The following PSG4 variants were observed in gnomAD, a reference collection of about 807,000 sequenced individuals.
The protein encoded by PSG4 is pregnancy specific beta-1-glycoprotein 4, also known as pregnancy-specific beta-1-glycoprotein 4.
PSG4 carries 61 observed loss-of-function variants against 44.3 expected under a neutral mutation model. The ratio of observed to expected loss-of-function variants is 1.38; its 90% CI spans 1.12 to 1.70. The LOEUF (loss-of-function observed/expected upper bound fraction) is 1.70, where lower values mean the gene tolerates loss of function less well. Ranked by LOEUF, PSG4 falls within the 40% of genes most tolerant of loss-of-function variation. The pLI is 0.00. For missense variants in PSG4, 677 were observed against 511.7 expected, an observed-to-expected ratio of 1.32 and a Z score of -3.12; for synonymous variants, 248 against 191.3, an observed-to-expected ratio of 1.30 and a Z score of -2.45.
chr19:43,200,110 T>G lies in PSG4; in HGVS notation c.431-1835A>C, dbSNP rs1422449905. ...AAAACAGGTATGTGGAATGCTTTCT[T>G]CATTTTCTGTTAAGCTCAGGAAATA... On this transcript the variant is annotated intron_variant, in intron 2 of 5. Coordinates refer to ENST00000405312, the MANE Select transcript of PSG4 (RefSeq NM_002780.5). 1.4e-5 allele frequency among the ~76,000 whole-genome samples: 2 copies of G among 145,914 alleles called. 1 individual carries two copies. The highest frequency in any genetic ancestry group is 1.4e-4 in the Admixed American group (2 of 14,682).
intron 2 of PSG4, among the ~76,000 whole-genome samples, chr19:43,202,714 A>G (rs1967571300): frequency 1.4e-5 from 2 of 144,688 alleles, no homozygotes; most frequent in Non-Finnish European, 3.0e-5. Flanking sequence ...AGGCCTGGAC[A>G]TATTTTTTGC....
rs1281628622 is a variant in PSG4, at chr19:43,205,335, C to G, written c.64+138G>C. On this transcript the variant is annotated intron_variant, in intron 1 of 5. Coordinates refer to ENST00000405312, the MANE Select transcript of PSG4 (RefSeq NM_002780.5). ...TGTTGGCCAGACTGATCTTGAACTC[C>G]TGATCTCCTGATCCACCCAACTCAG... 4.8e-5 allele frequency: 52 copies of G among 1,092,256 alleles called. 2 individuals are homozygous for G. The highest frequency in any genetic ancestry group is 6.9e-5 in the Admixed American group (3 of 43,220). The allele number at this position is 1,092,256 out of a possible 1,614,324, so 67.7% of individuals were successfully genotyped here. A position where few individuals can be genotyped will look rare whatever the true frequency, so the allele number is the denominator to read the frequency against.
intron 1 of PSG4, 140 bp from the exon 2 acceptor site, chr19:43,204,391 G>A (rs767470843): frequency 6.0e-6 from 7 of 1,175,520 alleles, no homozygotes; most frequent in South Asian, 1.6e-5. Context: ...CACTAAAGGG[G>A]CGTGAGTGTA....
At position 43,202,810 on chromosome 19, in the gene PSG4, G is replaced by A. The variant is rs375749977; in HGVS notation, c.430+1076C>T. Among the ~76,000 whole-genome samples, 64 of 142,378 alleles carry A rather than the reference G, an allele frequency of 4.5e-4. 2 individuals are homozygous for A. The highest frequency in any genetic ancestry group is 1.1e-3 in the African/African-American group (39 of 36,178). 93.4% of individuals were successfully genotyped at this position (142,378 alleles called of 152,430 possible). A position where few individuals can be genotyped will look rare whatever the true frequency, so the allele number is the denominator to read the frequency against. On this transcript the variant is annotated intron_variant, in intron 2 of 5. Coordinates refer to ENST00000405312, the MANE Select transcript of PSG4 (RefSeq NM_002780.5). ...ATTTGCTCTCACTCCTCTGAGGTTT[G>A]GATGCCTAAAAAGAGAGGATTTGAG...
At chr19:43,204,416 A>G (rs1358715307) in intron 1 of PSG4, 165 bp from the exon 2 acceptor site, 2 of 963,210 alleles carry the variant, frequency 2.1e-6, no homozygotes, top group East Asian at 3.5e-5. Context: ...TGTGTGTCCT[A>G]CTGTCCCACT....
intron 2 of PSG4, among the ~76,000 whole-genome samples, chr19:43,202,167 G>A (rs1212937619): frequency 6.8e-6 from 1 of 146,086 alleles, no homozygotes; most frequent in Non-Finnish European, 1.5e-5. Context: ...AGCTGTGCAG[G>A]ACAGGGCTTG....
chr19:43,194,124 G>C (rs969697226), intron 5 of PSG4: 2 of 1,366,044 alleles, frequency 1.5e-6, no homozygotes, highest in South Asian at 1.5e-5. Flanking sequence ...TGTTTCTCCT[G>C]CTTGGTCTAG....
At position 43,204,773 on chromosome 19, in the gene PSG4, C is replaced by T. The variant is rs143441654; in HGVS notation, c.65-522G>A. On this transcript the variant is annotated intron_variant, in intron 1 of 5. Transcript: ENST00000405312. ...GTTGCACCCCAGTACCTGGAACAGG[C>T]GGCAGACTCCTGTAGATGTGAGAGT... 475 of 391,878 alleles carry T rather than the reference C, an allele frequency of 1.2e-3. 46 individuals are homozygous for T. Among genetic ancestry groups the T allele is most frequent in the Middle Eastern group, 4.6e-3 (13 of 2,818 alleles). The allele number at this position is 391,878 out of a possible 1,614,324, so 24.3% of individuals were successfully genotyped here. A position where few individuals can be genotyped will look rare whatever the true frequency, so the allele number is the denominator to read the frequency against.
chr19:43,201,806 C>T (rs1232527165), intron 2 of PSG4, among the ~76,000 whole-genome samples: 1 of 134,232 alleles, frequency 7.4e-6, no homozygotes, highest in Admixed American at 7.3e-5. Context: ...TAGAAACCAA[C>T]ATTTCAATAA....
At chr19:43,194,954 A>C in intron 4 of PSG4, 41 bp downstream of exon 4, 1 of 1,602,048 alleles carries the variant, frequency 6.2e-7, no homozygotes, top group Non-Finnish European at 8.5e-7. Context: ...GTTTGGATTT[A>C]AGCTGGTGTC....
chr19:43,204,761 A>G lies in PSG4; in HGVS notation c.65-510T>C, dbSNP rs756882508. On this transcript the variant is annotated intron_variant, in intron 1 of 5. Transcript: ENST00000405312. Reference sequence around the variant, plus strand: ...TTTGTGATCTTGGTTGCACCCCAGTACCTGGAACAGGCGGCAGACTCCTGT... The same window carrying G: ...TTTGTGATCTTGGTTGCACCCCAGTGCCTGGAACAGGCGGCAGACTCCTGT... 18 of 362,452 alleles carry G rather than the reference A, an allele frequency of 5.0e-5. 2 individuals carry two copies. Among genetic ancestry groups the G allele is most frequent in the Middle Eastern group, 3.7e-4 (1 of 2,734 alleles). 22.5% of individuals were successfully genotyped at this position (362,452 alleles called of 1,614,324 possible). A position where few individuals can be genotyped will look rare whatever the true frequency, so the allele number is the denominator to read the frequency against.
chr19:43,197,318 C>G (rs1161110741), intron 3 of PSG4, among the ~76,000 whole-genome samples: 1 of 145,534 alleles, frequency 6.9e-6, no homozygotes, highest in Admixed American at 6.8e-5. Flanking sequence ...AAACATATTG[C>G]CAATGCTCCA....
Position 43,195,336 on chromosome 19 carries a change from T to C in PSG4, c.710-63A>G, listed in dbSNP as rs996312996. 1.9e-5 allele frequency: 30 copies of C among 1,583,860 alleles called. 1 individual carries two copies. The highest frequency in any genetic ancestry group is 2.1e-5 in the Non-Finnish European group (25 of 1,162,862). ...ACCTTTGATTCCTCCACAGGCATAC[T>C]TCAATCAGAGTTGGCATCTCCCACC... On this transcript the variant is annotated intron_variant, in intron 3 of 5. Transcript: ENST00000405312.
chr19:43,196,786 C>G (rs1967267453), intron 3 of PSG4: 1 of 151,180 alleles, frequency 6.6e-6, no homozygotes, highest in Admixed American at 6.6e-5. Flanking sequence ...ATGGTTGCCT[C>G]TTTTTCTCAG....
rs576741968 is a variant in PSG4 at position 43,195,019 on chromosome 19, C to A, written c.964G>T (p.Asp322Tyr). 8.1e-6 allele frequency: 13 copies of A among 1,611,958 alleles called. No individual in the cohort carries two copies. In the East Asian group the frequency reaches 8.9e-5, roughly 11 times the overall value. The change falls in exon 4 of 6, where the codon GAC (aspartate) becomes TAC (tyrosine). Residue 322 changes from aspartate to tyrosine, a missense_variant. Transcript: ENST00000405312. The part of the protein sequence containing the change: ...IRDRYGGIRS[D>Y]PVTLNVLYGP... Reference sequence around the variant, plus strand: ...CAGAGGACATTCAGGGTGACTGGGTCACTGCGGATGCCACCATATCGGTCC... The same window carrying A: ...CAGAGGACATTCAGGGTGACTGGGTAACTGCGGATGCCACCATATCGGTCC...
chr19:43,195,135 C>T lies in PSG4; in HGVS notation c.848G>A (p.Ser283Asn), dbSNP rs1471583445. 1 of 1,610,428 alleles carries T rather than the reference C, an allele frequency of 6.2e-7. No individual in the cohort carries two copies. Among genetic ancestry groups the T allele is most frequent in the Non-Finnish European group, 8.5e-7 (1 of 1,179,076 alleles). ...TTCAATGGGTCGCTTTACCCTGGGA[C>T]TGACAGGGAGGCTCTGACCATTTAG... Reference protein sequence around the residue: ...WWLNGQSLPVSPRVKRPIENR... With the variant: ...WWLNGQSLPVNPRVKRPIENR... Residue 283 changes from serine (S) to asparagine (N), a missense_variant, in exon 4 of 6, where the codon AGT becomes AAT. Coordinates refer to ENST00000405312, the MANE Select transcript of PSG4 (RefSeq NM_002780.5).
At chr19:43,196,626 C>T (rs1158310999) in intron 3 of PSG4, 2 of 151,190 alleles carry the variant, frequency 1.3e-5, no homozygotes, top group Admixed American at 6.6e-5. Context: ...ATATTCTTGC[C>T]CTTTTTTTTT....
intron 2 of PSG4, among the ~76,000 whole-genome samples, chr19:43,202,281 C>G (rs1296975270): frequency 7.0e-6 from 1 of 143,766 alleles, no homozygotes; most frequent in Non-Finnish European, 1.5e-5. Context: ...TTCAGAGACC[C>G]CAGGGACCAG....
chr19:43,200,460 T>C (rs907829635), intron 2 of PSG4, among the ~76,000 whole-genome samples: 1 of 145,618 alleles, frequency 6.9e-6, no homozygotes, highest in African/African-American at 2.6e-5. Context: ...CCCCACCCTT[T>C]TTGAACTTTC....
Sources: allele counts gnomAD v4.1 joint callset (sites outside exome capture counted in the v4.1 genomes callset), GRCh38; gene constraint gnomAD v4.1.1; transcripts MANE v1.5; gene names NCBI Gene and HGNC (gene_info 2026-07-23, HGNC 2026-07-21).